The following MOBP variants were observed in gnomAD, a reference collection of about 807,000 sequenced individuals.
The protein encoded by MOBP is myelin associated oligodendrocyte basic protein, also known as myelin-associated oligodendrocyte basic protein.
A neutral mutation model predicts 15.0 loss-of-function variants in MOBP; 5 were observed. The ratio of observed to expected loss-of-function variants is 0.33; its 90% CI spans 0.17 to 0.70. The LOEUF (loss-of-function observed/expected upper bound fraction) is 0.70. MOBP is among the 30% of genes least tolerant of loss of function. The pLI is 0.67. For missense variants in MOBP, 188 were observed against 257.8 expected, an observed-to-expected ratio of 0.73 and a Z score of 1.85; for synonymous variants, 88 against 99.0, an observed-to-expected ratio of 0.89 and a Z score of 0.66.
At chr3:39,476,567 T>C (rs181324885) in intron 1 of MOBP, among the ~76,000 whole-genome samples, 5 of 152,356 alleles carry the variant, frequency 3.3e-5, no homozygotes, top group Admixed American at 6.5e-5. Context: ...ATTTATTTGC[T>C]TAATTCTACT....
chr3:39,508,129 C>T (rs2043070177), intron 4 of MOBP, among the ~76,000 whole-genome samples: 1 of 152,290 alleles, frequency 6.6e-6, no homozygotes, highest in South Asian at 2.1e-4. Flanking sequence ...TATCACTAAG[C>T]AGTTTCCTTT....
At chr3:39,470,900 A>G (rs1213475068) in intron 1 of MOBP, among the ~76,000 whole-genome samples, 1 of 152,190 alleles carries the variant, frequency 6.6e-6, no homozygotes, top group Non-Finnish European at 1.5e-5. Context: ...TAAAACAGCT[A>G]AAAACCAGAA....
Position 39,482,508 on chromosome 3 carries a change from C to T in MOBP, c.-5+2385C>T, listed in dbSNP as rs548134320. Among the ~76,000 whole-genome samples, 47 of 151,954 alleles carry T rather than the reference C, an allele frequency of 3.1e-4. 1 individual carries two copies. The South Asian group carries it at 8.7e-3, about 28-fold the overall frequency. On this transcript the variant is annotated intron_variant, in intron 2 of 3. Transcript: ENST00000684792. ...CTACTAAAAATATAAAAAAATTAGCCGGCCGTGGTGGCAGACACCTGTGGT... is the reference window on the plus strand; with the variant it reads ...CTACTAAAAATATAAAAAAATTAGCTGGCCGTGGTGGCAGACACCTGTGGT...
chr3:39,520,596 C>CAG (rs527921592), downstream of MOBP, among the ~76,000 whole-genome samples: 30 of 134,964 alleles, frequency 2.2e-4, no homozygotes, highest in South Asian at 6.6e-3. Context: ...GAGAGAGAGA[C>CAG]AGAGAGAGAG....
chr3:39,482,732 C>T (rs1448688708), intron 2 of MOBP, among the ~76,000 whole-genome samples: 1 of 151,932 alleles, frequency 6.6e-6, no homozygotes. Flanking sequence ...GGATTTCCCT[C>T]CCTTATAGTA....
intron 2 of MOBP, among the ~76,000 whole-genome samples, chr3:39,489,200 G>A (rs1446806100): frequency 2.0e-5 from 3 of 152,088 alleles, no homozygotes; most frequent in Admixed American, 6.6e-5. Context: ...ATTTCTTCAG[G>A]AATCCTTCCT....
chr3:39,473,102 TTA>T, intron 1 of MOBP, among the ~76,000 whole-genome samples: 1 of 152,328 alleles, frequency 6.6e-6, no homozygotes, highest in South Asian at 2.1e-4. Flanking sequence ...GAGTGACTTC[TTA>T]TAATAACTGT....
At chr3:39,505,595 C>G (rs2043037942), downstream of MOBP, among the ~76,000 whole-genome samples, 1 of 152,192 alleles carries the variant, frequency 6.6e-6, no homozygotes, top group Admixed American at 6.5e-5. Flanking sequence ...TTATGCAGAA[C>G]AGATGCTTTT....
chr3:39,467,863 C>G (rs1365136664), intron 1 of MOBP, 123 bp downstream of exon 1: 3 of 152,134 alleles, frequency 2.0e-5, no homozygotes, highest in African/African-American at 7.2e-5. Flanking sequence ...TAAGAATAGT[C>G]AAGATTGAGA....
At chr3:39,469,160 G>GTATATATACATATATACATA (rs2042422059) in intron 1 of MOBP, among the ~76,000 whole-genome samples, 1 of 92,344 alleles carries the variant, frequency 1.1e-5, no homozygotes, top group Non-Finnish European at 1.9e-5. Context: ...ACATATGTGT[G>GTATATATACATATATACATA]TGTGTATACA....
At chr3:39,494,973 G>C (rs72870925) in intron 2 of MOBP, among the ~76,000 whole-genome samples, 2,734 of 152,172 alleles carry the variant, frequency 0.018, 80 homozygotes, top group African/African-American at 0.062. Flanking sequence ...AGTCCTCCAG[G>C]ATTCAGGCTC....
intron 4 of MOBP, among the ~76,000 whole-genome samples, chr3:39,510,854 A>G (rs2043110821): frequency 6.6e-6 from 1 of 152,222 alleles, no homozygotes; most frequent in Admixed American, 6.5e-5. Context: ...TTTTAACAAG[A>G]TTAAATTCTT....
At chr3:39,475,692 A>G (rs1179866694) in intron 1 of MOBP, among the ~76,000 whole-genome samples, 1 of 152,072 alleles carries the variant, frequency 6.6e-6, no homozygotes, top group African/African-American at 2.4e-5. Context: ...TTCTTGCTCA[A>G]ATAACTTTGG....
chr3:39,495,715 T>C (rs2042868780), intron 2 of MOBP, among the ~76,000 whole-genome samples: 1 of 139,124 alleles, frequency 7.2e-6, no homozygotes. Context: ...ATTGCACCAC[T>C]GTACTCTAGA....
downstream of MOBP, among the ~76,000 whole-genome samples, chr3:39,518,992 A>G (rs1490432451): frequency 6.6e-6 from 1 of 152,152 alleles, no homozygotes; most frequent in Non-Finnish European, 1.5e-5. Context: ...GAAGTTATTT[A>G]GTGGATCTTC....
intron 1 of MOBP, among the ~76,000 whole-genome samples, chr3:39,472,402 G>A (rs531410857): frequency 5.1e-4 from 78 of 152,012 alleles, no homozygotes; most frequent in Admixed American, 8.5e-4. Context: ...CCTAAATATC[G>A]AATTAGGTTA....
At chr3:39,524,729 A>G (rs2125677560) in exon 5 of MOBP, 1 of 152,336 alleles carries the variant, frequency 6.6e-6, no homozygotes, top group Non-Finnish European at 1.5e-5. Context: ...TAGAAAAAGT[A>G]GGTACACGTA....
chr3:39,495,403 G>A (rs2125647538), intron 2 of MOBP, among the ~76,000 whole-genome samples: 1 of 151,956 alleles, frequency 6.6e-6, no homozygotes, highest in Middle Eastern at 3.4e-3. Context: ...AATGGAAAAG[G>A]TTATAGCCAT....
At chr3:39,480,495 A>G (rs2042613016) in intron 2 of MOBP, among the ~76,000 whole-genome samples, 1 of 152,182 alleles carries the variant, frequency 6.6e-6, no homozygotes. Flanking sequence ...AACTGAATCT[A>G]GCCAGTTCTC....
Sources: gnomAD v4.1 joint callset for allele counts (sites outside exome capture counted in the v4.1 genomes callset) on GRCh38, gnomAD v4.1.1 for gene constraint, MANE v1.5 for transcripts, NCBI Gene and HGNC (gene_info 2026-07-23, HGNC 2026-07-21) for gene names.